HLCS: variants seen among roughly 807,000 people sequenced by gnomAD.
The protein encoded by HLCS is biotin--protein ligase.
Under a neutral mutation model 75.0 loss-of-function variants are expected in HLCS, and 53 were observed. The ratio of observed to expected loss-of-function variants is 0.71; its 90% confidence interval spans 0.57 to 0.89. The LOEUF (loss-of-function observed/expected upper bound fraction) is 0.89. Ranked by LOEUF, HLCS falls within the 40% of genes least tolerant of loss-of-function variation. HLCS has a pLI of 0.00. For synonymous variants in HLCS, 431 were observed against 428.6 expected, an observed-to-expected ratio of 1.01 and a Z score of -0.07; for missense variants, 966 against 1,074.0, an observed-to-expected ratio of 0.90 and a Z score of 1.41.
chr21:36,909,722 T>G (rs1646461159), intron 5 of HLCS, among the ~76,000 whole-genome samples: 1 of 152,224 alleles, frequency 6.6e-6, no homozygotes, highest in East Asian at 1.9e-4. Flanking sequence ...ACTCCCAAAG[T>G]GCTGGGTTTA....
At chr21:36,848,018 C>A (rs1301976000) in intron 6 of HLCS, among the ~76,000 whole-genome samples, 1 of 152,136 alleles carries the variant, frequency 6.6e-6, no homozygotes, top group Non-Finnish European at 1.5e-5. Flanking sequence ...ATACAATTAA[C>A]CTCCCATTAT....
chr21:36,833,593 T>A (rs200818983), intron 6 of HLCS, among the ~76,000 whole-genome samples: 1 of 140,006 alleles, frequency 7.1e-6, no homozygotes, highest in East Asian at 2.1e-4. Context: ...TAAAAAAAAA[T>A]TATATATATA....
In HLCS at chr21:36,918,729, A is replaced by G. The variant is rs553141851; in HGVS notation, c.1620+11522T>C. On this transcript the variant is annotated intron_variant, in intron 5 of 10. Coordinates refer to ENST00000674895, the MANE Select transcript of HLCS (RefSeq NM_001352514.2). ...CAGGGTTCTTCTGCATATTATTCCA[A>G]TTGGCGACTTGCTGCTATTTGCAGA... Among the ~76,000 whole-genome samples the G allele has an allele frequency of 1.1e-4, 16 of 152,322 alleles. 1 individual carries two copies. In the South Asian group the frequency reaches 3.1e-3, roughly 30 times the overall value.
Position 36,896,741 on chromosome 21 carries a change from T to C in HLCS, c.1892+119A>G, listed in dbSNP as rs946582701. On this transcript the variant is annotated intron_variant, in intron 6 of 10. Transcript: ENST00000674895. The stretch of plus-strand genomic sequence containing the variant: ...TAGGACAAGAGTACTTCCACCTTGC[T>C]AATAGGTCTGGTCAAACGTATTCCT... 4.5e-6 allele frequency: 5 copies of C among 1,112,344 alleles called. No homozygotes were observed. In the African/African-American group the frequency reaches 6.1e-5, roughly 14 times the overall value. 68.9% of individuals were successfully genotyped at this position (1,112,344 alleles called of 1,614,324 possible).
chr21:36,835,389 C>A (rs1344469872), intron 6 of HLCS, among the ~76,000 whole-genome samples: 1 of 152,156 alleles, frequency 6.6e-6, no homozygotes, highest in African/African-American at 2.4e-5. Context: ...CAAATGACAA[C>A]TAAAATGTAT....
intron 6 of HLCS, among the ~76,000 whole-genome samples, chr21:36,773,623 C>T (rs908702393): frequency 7.9e-5 from 12 of 152,202 alleles, no homozygotes. Context: ...CTTTACCCCC[C>T]AGTTTTCTCA....
At chr21:36,790,149 T>C (rs2060814491) in intron 6 of HLCS, among the ~76,000 whole-genome samples, 1 of 152,182 alleles carries the variant, frequency 6.6e-6, no homozygotes, top group Non-Finnish European at 1.5e-5. Flanking sequence ...CTCATGCCTA[T>C]AATCCCAGCA....
chr21:36,820,363 A>G (rs1569056543), intron 6 of HLCS, among the ~76,000 whole-genome samples: 4 of 152,022 alleles, frequency 2.6e-5, no homozygotes, highest in African/African-American at 9.7e-5. Context: ...GCTGCTGCCC[A>G]GCCACGGCCG....
chr21:36,936,067 T>G (rs1286530599), intron 4 of HLCS, among the ~76,000 whole-genome samples: 1 of 152,174 alleles, frequency 6.6e-6, no homozygotes, highest in Admixed American at 6.5e-5. Flanking sequence ...CTTCCTACCT[T>G]AAATAAAGAC....
At chr21:36,931,566 A>C (rs1463662307) in intron 4 of HLCS, among the ~76,000 whole-genome samples, 1 of 152,034 alleles carries the variant, frequency 6.6e-6, no homozygotes, top group African/African-American at 2.4e-5. Flanking sequence ...CCTGGACAAC[A>C]TAGTGAAACC....
intron 6 of HLCS, among the ~76,000 whole-genome samples, chr21:36,824,510 C>G (rs1024742837): frequency 6.6e-6 from 1 of 152,158 alleles, no homozygotes; most frequent in African/African-American, 2.4e-5. Flanking sequence ...ACCCAAGTGA[C>G]GGATTAATAG....
At chr21:36,956,773 C>G (rs2067984035) in intron 2 of HLCS, among the ~76,000 whole-genome samples, 1 of 151,508 alleles carries the variant, frequency 6.6e-6, no homozygotes, top group South Asian at 2.1e-4. Flanking sequence ...GTCCAAGGAG[C>G]CAGAATGGTG....
intron 2 of HLCS, among the ~76,000 whole-genome samples, chr21:36,945,534 T>C (rs2067349066): frequency 1.3e-5 from 2 of 152,202 alleles, no homozygotes; most frequent in African/African-American, 4.8e-5. Flanking sequence ...TCGAATACAT[T>C]ACATTAAGTG....
At chr21:36,944,259 G>GA in intron 2 of HLCS, 1 of 152,300 alleles carries the variant, frequency 6.6e-6, no homozygotes, top group East Asian at 1.9e-4. Flanking sequence ...GTTGAGTGGA[G>GA]AAAAAAGATG....
At chr21:36,770,235 C>G (rs548943635) in intron 6 of HLCS, among the ~76,000 whole-genome samples, 9 of 147,674 alleles carry the variant, frequency 6.1e-5, no homozygotes, top group African/African-American at 1.8e-4. Flanking sequence ...CAACCTCCAT[C>G]TCCAAGGTTT....
chr21:36,925,328 T>C (rs1414864965), intron 5 of HLCS, among the ~76,000 whole-genome samples: 1 of 152,116 alleles, frequency 6.6e-6, no homozygotes, highest in African/African-American at 2.4e-5. Flanking sequence ...CCGGCTTGTG[T>C]TTCTCAGGTC....
chr21:36,945,742 A>T (rs2146575574), intron 2 of HLCS, among the ~76,000 whole-genome samples: 1 of 152,356 alleles, frequency 6.6e-6, no homozygotes, highest in South Asian at 2.1e-4. Context: ...AATGCTAATG[A>T]TTGCACAACT....
chr21:36,781,439 G>C (rs2060530902), intron 6 of HLCS, among the ~76,000 whole-genome samples: 1 of 152,038 alleles, frequency 6.6e-6, no homozygotes, highest in Non-Finnish European at 1.5e-5. Flanking sequence ...AAGTGATCTT[G>C]TGTTGATTGT....
At chr21:36,857,524 G>A (rs1462726335) in intron 6 of HLCS, among the ~76,000 whole-genome samples, 1 of 152,164 alleles carries the variant, frequency 6.6e-6, no homozygotes, top group East Asian at 1.9e-4. Context: ...AATGATACCA[G>A]CAGTCTTAGC....
Sources: allele counts gnomAD v4.1 joint callset (sites outside exome capture counted in the v4.1 genomes callset), GRCh38; gene constraint gnomAD v4.1.1; transcripts MANE v1.5; gene names NCBI Gene and HGNC (gene_info 2026-07-23, HGNC 2026-07-21).